CDC42SE2: variants seen among roughly 807,000 people sequenced by gnomAD.
CDC42SE2 encodes the protein CDC42 small effector protein 2.
A neutral mutation model predicts 11.5 loss-of-function variants in CDC42SE2; 3 were observed. That is an observed-to-expected ratio of 0.26 (90% CI 0.12 to 0.67). The LOEUF (loss-of-function observed/expected upper bound fraction) is 0.67, where lower values mean the gene tolerates loss of function less well. CDC42SE2 is among the 30% of genes least tolerant of loss of function. CDC42SE2 has a pLI of 0.80. For synonymous variants in CDC42SE2, 33 were observed against 34.8 expected, an observed-to-expected ratio of 0.95 and a Z score of 0.18; for missense variants, 82 against 106.8, an observed-to-expected ratio of 0.77 and a Z score of 1.02.
intron 2 of CDC42SE2, among the ~76,000 whole-genome samples, chr5:131,342,278 C>A (rs1223875080): frequency 1.1e-4 from 14 of 122,856 alleles, no homozygotes; most frequent in Non-Finnish European, 1.9e-4. Flanking sequence ...GACTCCTTCT[C>A]AAAAAAAAAA....
upstream of CDC42SE2, among the ~76,000 whole-genome samples, chr5:131,240,983 TG>T (rs1756536045): frequency 6.6e-6 from 1 of 152,026 alleles, no homozygotes; most frequent in African/African-American, 2.4e-5. Context: ...TTTTTGTTTT[TG>T]TTTTTGTTTT....
At chr5:131,241,571 G>A (rs1284697960), upstream of CDC42SE2, among the ~76,000 whole-genome samples, 2 of 151,902 alleles carry the variant, frequency 1.3e-5, no homozygotes, top group African/African-American at 4.8e-5. Context: ...TTCATGTTTA[G>A]GTCATTTTCT....
chr5:131,346,577 A>T (rs1176988818), intron 2 of CDC42SE2, among the ~76,000 whole-genome samples: 1 of 152,244 alleles, frequency 6.6e-6, no homozygotes, highest in Non-Finnish European at 1.5e-5. Flanking sequence ...CCCGACTGTC[A>T]GCATTAGACA....
chr5:131,332,603 A>G lies in CDC42SE2; in HGVS notation c.-286+16459A>G, dbSNP rs572559127. Among the ~76,000 whole-genome samples the G allele has an allele frequency of 2.0e-3, 300 of 152,116 alleles. 1 individual carries two copies. The highest frequency in any genetic ancestry group is 6.9e-3 in the African/African-American group (286 of 41,464). ...CCACCAACAGTGTAAAAGTGTTCCT[A>G]TTTCTCCACATCCTCTCCAGCACCT... On this transcript the variant is annotated intron_variant, in intron 2 of 4. Coordinates refer to ENST00000505065, the MANE Select transcript of CDC42SE2 (RefSeq NM_001375635.1).
At chr5:131,350,604 A>ATT (rs200704190) in intron 2 of CDC42SE2, among the ~76,000 whole-genome samples, 3,883 of 139,894 alleles carry the variant, frequency 0.028, 173 homozygotes, top group African/African-American at 0.1. Flanking sequence ...AACAAAATTT[A>ATT]TTTTGTGTGT....
chr5:131,389,702 CAGTA>C (rs1285728026), intron 4 of CDC42SE2, among the ~76,000 whole-genome samples: 1 of 152,170 alleles, frequency 6.6e-6, no homozygotes, highest in Non-Finnish European at 1.5e-5. Flanking sequence ...AGTAGGTGCT[CAGTA>C]AGTATTTGAT....
chr5:131,233,346 G>C, the CDC42SE2 span, among the ~76,000 whole-genome samples: 1 of 152,136 alleles, frequency 6.6e-6, no homozygotes, highest in Non-Finnish European at 1.5e-5. Flanking sequence ...GGATATTTAT[G>C]TTGTTTAATG....
chr5:131,224,261 T>C, the CDC42SE2 span, among the ~76,000 whole-genome samples: 14 of 152,320 alleles, frequency 9.2e-5, no homozygotes, highest in East Asian at 2.7e-3. Context: ...CTGACTCACA[T>C]ATCTAACTAT....
intron 1 of CDC42SE2, among the ~76,000 whole-genome samples, chr5:131,272,632 C>G (rs1757017112): frequency 1.3e-5 from 2 of 152,106 alleles, no homozygotes; most frequent in African/African-American, 2.4e-5. Flanking sequence ...ATCATTTCCC[C>G]ATTTCTACTG....
At chr5:131,298,333 C>T (rs1247927277) in intron 1 of CDC42SE2, among the ~76,000 whole-genome samples, 1 of 151,740 alleles carries the variant, frequency 6.6e-6, no homozygotes, top group Non-Finnish European at 1.5e-5. Context: ...TCTTGAACTC[C>T]CGAACTCAGG....
rs914189240 is a variant in CDC42SE2, at chr5:131,351,883, A to G, written c.-285-7326A>G. On this transcript the variant is annotated intron_variant, in intron 2 of 4. Transcript: ENST00000505065. ...TCGAAAGATGTTGTTCGGTAGACAA[A>G]GACCAGGACAAAATATTCACTATGC... Among the ~76,000 whole-genome samples, 3 of 152,348 alleles carry G rather than the reference A, an allele frequency of 2.0e-5. No homozygotes were observed. The South Asian group carries it at 6.2e-4, about 32-fold the overall frequency.
intron 2 of CDC42SE2, among the ~76,000 whole-genome samples, chr5:131,349,006 C>G (rs903538983): frequency 1.3e-5 from 2 of 152,154 alleles, no homozygotes; most frequent in Non-Finnish European, 2.9e-5. Context: ...GGATTAAAGA[C>G]TTAAATGTTA....
chr5:131,279,768 G>T (rs1757199842), intron 1 of CDC42SE2, among the ~76,000 whole-genome samples: 1 of 152,036 alleles, frequency 6.6e-6, no homozygotes, highest in Non-Finnish European at 1.5e-5. Context: ...AAAAATTATT[G>T]TTTAAAAATT....
chr5:131,303,756 G>A (rs1757729152), intron 1 of CDC42SE2, among the ~76,000 whole-genome samples: 1 of 152,134 alleles, frequency 6.6e-6, no homozygotes. Context: ...ATTCATTGGA[G>A]TTGTGCCATT....
the CDC42SE2 span, among the ~76,000 whole-genome samples, chr5:131,228,631 G>A: frequency 0.031 from 4,657 of 152,184 alleles, 242 homozygotes; most frequent in African/African-American, 0.1. Flanking sequence ...CGTCTTTTAG[G>A]GTGTATATCC....
chr5:131,277,634 A>G (rs1757131179), intron 1 of CDC42SE2, among the ~76,000 whole-genome samples: 2 of 152,186 alleles, frequency 1.3e-5, no homozygotes, highest in South Asian at 2.1e-4. Flanking sequence ...CAGTTTCTCA[A>G]ACATGCCATT....
intron 1 of CDC42SE2, among the ~76,000 whole-genome samples, chr5:131,275,139 A>T (rs541365786): frequency 2.4e-4 from 37 of 152,268 alleles, no homozygotes; most frequent in Admixed American, 5.2e-4. Flanking sequence ...AAACTGATGG[A>T]ATAAAGAAAA....
At chr5:131,217,061 G>A in the CDC42SE2 span, among the ~76,000 whole-genome samples, 2 of 152,184 alleles carry the variant, frequency 1.3e-5, no homozygotes, top group Non-Finnish European at 2.9e-5. Flanking sequence ...ACTGATGCAA[G>A]GAAATAGACA....
intron 3 of CDC42SE2, among the ~76,000 whole-genome samples, chr5:131,375,048 T>C (rs987963304): frequency 6.9e-6 from 1 of 144,688 alleles, no homozygotes; most frequent in South Asian, 2.2e-4. Flanking sequence ...TTTTTTTTTT[T>C]AACCTATTTT....
Sources: gnomAD v4.1 joint callset for allele counts (sites outside exome capture counted in the v4.1 genomes callset) on GRCh38, gnomAD v4.1.1 for gene constraint, MANE v1.5 for transcripts, NCBI Gene and HGNC (gene_info 2026-07-23, HGNC 2026-07-21) for gene names.